The following WWOX variants were observed in gnomAD, a reference collection of about 807,000 sequenced individuals.
The protein encoded by WWOX is WW domain-containing oxidoreductase.
Under a neutral mutation model 46.2 loss-of-function variants are expected in WWOX, and 69 were observed. The observed-to-expected ratio is 1.49, with a 90% confidence interval of 1.23 to 1.82. The LOEUF is 1.82. Ranked by LOEUF, WWOX falls within the 40% of genes most tolerant of loss-of-function variation. The pLI is 0.00. For missense variants in WWOX, 919 were observed against 542.6 expected, an observed-to-expected ratio of 1.69 and a Z score of -6.89; for synonymous variants, 359 against 202.6, an observed-to-expected ratio of 1.77 and a Z score of -6.56.
At chr16:78,121,791 A>G (rs2033105777) in intron 4 of WWOX, among the ~76,000 whole-genome samples, 1 of 151,788 alleles carries the variant, frequency 6.6e-6, no homozygotes, top group Non-Finnish European at 1.5e-5. Flanking sequence ...CCTCCTGAGT[A>G]GCTGGGATTA....
chr16:78,977,546 G>A (rs984204781), intron 8 of WWOX, among the ~76,000 whole-genome samples: 11 of 152,072 alleles, frequency 7.2e-5, no homozygotes, highest in African/African-American at 2.4e-4. Flanking sequence ...CTTGTCTGGG[G>A]GAGTCGCTTA....
intron 5 of WWOX, among the ~76,000 whole-genome samples, chr16:78,231,329 C>G (rs891504597): frequency 3.3e-5 from 5 of 152,210 alleles, no homozygotes; most frequent in Non-Finnish European, 7.3e-5. Flanking sequence ...ATGTATATTA[C>G]TATGCATTGC....
intron 5 of WWOX, among the ~76,000 whole-genome samples, chr16:78,341,199 A>G (rs1212204891): frequency 1.8e-5 from 2 of 111,244 alleles, no homozygotes; most frequent in East Asian, 3.9e-4. Context: ...ATGAAGTCTC[A>G]TTTTGTTTCC....
intron 8 of WWOX, among the ~76,000 whole-genome samples, chr16:78,715,767 G>A (rs761055693): frequency 5.3e-5 from 8 of 152,118 alleles, no homozygotes; most frequent in Non-Finnish European, 2.9e-5. Context: ...ATGAGCCACC[G>A]TGCCCAGCCG....
At chr16:78,380,769 T>A (rs1286690154) in intron 5 of WWOX, among the ~76,000 whole-genome samples, 1 of 151,984 alleles carries the variant, frequency 6.6e-6, no homozygotes, top group Non-Finnish European at 1.5e-5. Flanking sequence ...AAACTAAATA[T>A]ACAAGAAGCA....
intron 8 of WWOX, among the ~76,000 whole-genome samples, chr16:78,693,981 C>A (rs539402586): frequency 2.8e-4 from 43 of 152,148 alleles, no homozygotes; most frequent in African/African-American, 9.6e-4. Context: ...ACCTGTAATC[C>A]CAGCACTTTA....
intron 8 of WWOX, among the ~76,000 whole-genome samples, chr16:78,594,941 A>G (rs1325953487): frequency 5.3e-5 from 8 of 152,210 alleles, no homozygotes; most frequent in African/African-American, 1.9e-4. Flanking sequence ...CCTGTCTCTC[A>G]GGAAAGCAGT....
chr16:79,024,885 C>T (rs1016975255), intron 8 of WWOX, among the ~76,000 whole-genome samples: 2 of 152,194 alleles, frequency 1.3e-5, no homozygotes. Context: ...AAATACATTT[C>T]TAAAGAGGAA....
intron 8 of WWOX, among the ~76,000 whole-genome samples, chr16:79,127,894 G>A (rs1013303608): frequency 1.3e-5 from 2 of 152,152 alleles, no homozygotes; most frequent in African/African-American, 4.8e-5. Context: ...ACTGCAAGAA[G>A]GAGAAGATTG....
chr16:78,401,678 C>A (rs2082417032), intron 6 of WWOX, among the ~76,000 whole-genome samples: 1 of 151,936 alleles, frequency 6.6e-6, no homozygotes. Flanking sequence ...TTAATTGAGA[C>A]ATAATTTACA....
chr16:78,649,692 ATTAT>A (rs2046922928), intron 8 of WWOX, among the ~76,000 whole-genome samples: 1 of 152,164 alleles, frequency 6.6e-6, no homozygotes, highest in African/African-American at 2.4e-5. Flanking sequence ...CTCTGCTAAA[ATTAT>A]TTGTTACTGT....
chr16:78,325,833 AAC>A (rs775378159), intron 5 of WWOX, among the ~76,000 whole-genome samples: 29 of 152,202 alleles, frequency 1.9e-4, no homozygotes, highest in Non-Finnish European at 4.1e-4. Flanking sequence ...TTGCAACTTG[AAC>A]ACACTCATTG....
intron 8 of WWOX, among the ~76,000 whole-genome samples, chr16:78,637,555 T>C (rs1407075483): frequency 2.0e-5 from 3 of 152,228 alleles, no homozygotes. Context: ...CATTGGAAAT[T>C]CGGTTGCTTT....
chr16:78,393,419 G>A (rs1161001137), intron 6 of WWOX, among the ~76,000 whole-genome samples: 2 of 152,118 alleles, frequency 1.3e-5, no homozygotes, highest in African/African-American at 4.8e-5. Context: ...GCGCTTTTGG[G>A]AGGCCAAGGT....
intron 8 of WWOX, among the ~76,000 whole-genome samples, chr16:78,807,083 C>T (rs565598500): frequency 1.3e-4 from 20 of 152,328 alleles, no homozygotes; most frequent in African/African-American, 3.4e-4. Context: ...CCACCAAGTG[C>T]CTGGTGCAGA....
chr16:78,799,454 C>T (rs968004612), intron 8 of WWOX, among the ~76,000 whole-genome samples: 1 of 152,142 alleles, frequency 6.6e-6, no homozygotes, highest in Admixed American at 6.5e-5. Flanking sequence ...ATTTTACTCA[C>T]CAGGGATAGA....
At position 78,719,733 on chromosome 16, in the gene WWOX, A is replaced by T. The variant is rs114981149; in HGVS notation, c.1056+286981A>T. On this transcript the variant is annotated intron_variant, in intron 8 of 8. Transcript: ENST00000566780. ...ACATTTGTAATTTACCAAATGGAAA[A>T]TATCACTTAACTTTAAGCTTCATCA... Among the ~76,000 whole-genome samples, 1,294 of 152,320 alleles carry T rather than the reference A, an allele frequency of 8.5e-3. 21 individuals are homozygous for T. The highest frequency in any genetic ancestry group is 0.028 in the African/African-American group (1,183 of 41,566).
intron 8 of WWOX, among the ~76,000 whole-genome samples, chr16:78,751,867 A>G (rs144824208): frequency 6.6e-5 from 10 of 152,240 alleles, no homozygotes; most frequent in African/African-American, 2.2e-4. Flanking sequence ...AAAGAAATTA[A>G]TTCCCATTTT....
intron 4 of WWOX, among the ~76,000 whole-genome samples, chr16:78,119,727 A>G (rs1321817357): frequency 1.3e-5 from 2 of 151,930 alleles, no homozygotes; most frequent in Non-Finnish European, 2.9e-5. Flanking sequence ...TAGCCTCCCA[A>G]AGTACTGAGA....
Sources: allele counts gnomAD v4.1 joint callset (sites outside exome capture counted in the v4.1 genomes callset), GRCh38; gene constraint gnomAD v4.1.1; transcripts MANE v1.5; gene names NCBI Gene and HGNC (gene_info 2026-07-23, HGNC 2026-07-21).